NCOR2: variants seen among roughly 807,000 people sequenced by gnomAD.
NCOR2 encodes the protein CTG repeat protein 26.
NCOR2 carries 81 observed loss-of-function variants against 262.9 expected under a neutral mutation model. The ratio of observed to expected loss-of-function variants is 0.31; its 90% CI spans 0.26 to 0.37. The LOEUF is 0.37. Ranked by LOEUF, NCOR2 falls within the 10% of genes least tolerant of loss-of-function variation. The pLI is 1.00. For missense variants in NCOR2, 3,385 were observed against 3,621.4 expected (o/e 0.93, Z 1.68); for synonymous variants, 1,659 against 1,559.3 (o/e 1.06, Z -1.51).
intron 41 of NCOR2, among the ~76,000 whole-genome samples, chr12:124,334,035 C>T: frequency 6.6e-6 from 1 of 151,074 alleles, no homozygotes; most frequent in Admixed American, 6.6e-5. Context: ...TGTGGAAAGG[C>T]TGCTCTCTAA....
intron 8 of NCOR2, among the ~76,000 whole-genome samples, chr12:124,431,887 A>G (rs999302747): frequency 6.6e-6 from 1 of 151,972 alleles, no homozygotes; most frequent in Non-Finnish European, 1.5e-5. Context: ...ACACACACAC[A>G]TATATACACA....
chr12:124,519,325 G>A (rs11610540), intron 1 of NCOR2, among the ~76,000 whole-genome samples: 25,230 of 152,122 alleles, frequency 0.17, 2,571 homozygotes, highest in Non-Finnish European at 0.22. Flanking sequence ...GGAGCTCCCA[G>A]GAGGCAGAGG....
At chr12:124,353,609 C>T (rs988747249) in intron 27 of NCOR2, among the ~76,000 whole-genome samples, 7 of 152,254 alleles carry the variant, frequency 4.6e-5, no homozygotes, top group Non-Finnish European at 1.0e-4. Flanking sequence ...AGCTGCAAGG[C>T]TGGGGCACCA....
At position 124,548,123 on chromosome 12, in the gene NCOR2, C is replaced by T. The variant is rs1331037348; in HGVS notation, c.-164-12512G>A. Among the ~76,000 whole-genome samples, 3 of 152,020 alleles carry T rather than the reference C, an allele frequency of 2.0e-5. No homozygotes were observed. The highest frequency in any genetic ancestry group is 2.9e-5 in the Non-Finnish European group (2 of 68,010). ...GTCCCCTCCTATGGGACCTCTCCTC[C>T]ACTCTAACTCTCCTCCACATCACAT... On this transcript the variant is annotated intron_variant, in intron 1 of 32. Transcript: ENST00000458234. The surrounding 1 kb of genome is among the most constrained non-coding windows in gnomAD (Gnocchi z 5.1).
intron 43 of NCOR2, chr12:124,332,078 C>T (rs1051597168): frequency 3.8e-6 from 2 of 531,930 alleles, no homozygotes; most frequent in Non-Finnish European, 6.8e-6. Context: ...TGGGCACCTA[C>T]TATGTGCTGG....
intron 11 of NCOR2, among the ~76,000 whole-genome samples, chr12:124,423,124 G>A (rs2043317032): frequency 6.6e-6 from 1 of 152,216 alleles, no homozygotes; most frequent in African/African-American, 2.4e-5. Context: ...GCGGGTCGCT[G>A]GCACTGTCCC....
chr12:124,555,444 C>G (rs562885444), intron 1 of NCOR2, among the ~76,000 whole-genome samples: 1 of 152,332 alleles, frequency 6.6e-6, no homozygotes, highest in South Asian at 2.1e-4. Flanking sequence ...AGGGCACAGA[C>G]AGCTGTGACA....
chr12:124,479,067 G>A (rs1450890872), intron 3 of NCOR2, among the ~76,000 whole-genome samples: 1 of 152,008 alleles, frequency 6.6e-6, no homozygotes, highest in African/African-American at 2.4e-5. Flanking sequence ...CCACAGGCCA[G>A]AGCGCACGGA....
intron 8 of NCOR2, among the ~76,000 whole-genome samples, chr12:124,433,771 C>T (rs2044125148): frequency 6.6e-6 from 1 of 151,728 alleles, no homozygotes; most frequent in Non-Finnish European, 1.5e-5. Context: ...TGGCATTTTT[C>T]TACAAGGGCA....
At chr12:124,469,930 C>T (rs2046742498) in intron 4 of NCOR2, among the ~76,000 whole-genome samples, 2 of 152,088 alleles carry the variant, frequency 1.3e-5, no homozygotes, top group African/African-American at 4.8e-5. Flanking sequence ...CTTTGAGAGG[C>T]CAAGGTGGGC....
intron 13 of NCOR2, among the ~76,000 whole-genome samples, chr12:124,406,157 C>G (rs1484537378): frequency 6.6e-6 from 1 of 152,210 alleles, no homozygotes; most frequent in Non-Finnish European, 1.5e-5. Flanking sequence ...CTCTGTCAAC[C>G]CCCTTCTCAA....
At chr12:124,403,464 C>T (rs1018015658) in intron 13 of NCOR2, among the ~76,000 whole-genome samples, 3 of 152,040 alleles carry the variant, frequency 2.0e-5, no homozygotes, top group African/African-American at 7.3e-5. Context: ...CTCCTGGCAC[C>T]GCCTCCCGAT....
intron 37 of NCOR2, 97 bp from the exon 40 acceptor site, chr12:124,337,277 C>T (rs2035974763): frequency 1.5e-6 from 2 of 1,375,684 alleles, no homozygotes; most frequent in Non-Finnish European, 2.0e-6. Context: ...AAATCCACAT[C>T]CCCTGCTGCT....
intron 18 of NCOR2, among the ~76,000 whole-genome samples, chr12:124,375,146 G>T (rs182913166): frequency 3.6e-4 from 55 of 152,354 alleles, no homozygotes; most frequent in African/African-American, 1.2e-3. Flanking sequence ...ACGCTGTGGA[G>T]GGGAGAGCAC....
At chr12:124,341,490 C>A (rs10846658) in intron 34 of NCOR2, among the ~76,000 whole-genome samples, 59,611 of 151,744 alleles carry the variant, frequency 0.39, 13,261 homozygotes, top group African/African-American at 0.61. Flanking sequence ...ACCTGCCTCG[C>A]CCTCCCCAAG....
At chr12:124,472,876 G>A in intron 4 of NCOR2, 76 bp downstream of exon 6, 5 of 1,586,508 alleles carry the variant, frequency 3.2e-6, no homozygotes, top group Non-Finnish European at 4.3e-6. Flanking sequence ...CTTGGCACAT[G>A]TCTGTGACAC....
In NCOR2 at chr12:124,378,331, G is replaced by T. The variant is rs375305934; in HGVS notation, c.2073C>A (p.Ser691Arg). ...CCACGGGCGGGAATGCAGCCTCCTC[G>T]CTGGCCGCCGCCGGCGCTTTCTTCT... Residue 691 changes from serine to arginine, a missense_variant, in exon 18 of 47, where the codon AGC becomes AGA. Coordinates refer to ENST00000405201, the Ensembl canonical transcript of NCOR2. This position sits in a 1 kb window ranked among gnomAD's most constrained non-coding sequence, Gnocchi z 4.2. The T allele has an allele frequency of 9.3e-6, 15 of 1,613,868 alleles. No individual in the cohort carries two copies. Among genetic ancestry groups the T allele is most frequent in the Non-Finnish European group, 1.3e-5 (15 of 1,179,886 alleles).
rs368875406 is a variant in NCOR2 at position 124,544,536 on chromosome 12, G to A, written c.-164-8925C>T. 9.8e-5 allele frequency among the ~76,000 whole-genome samples: 15 copies of A among 152,314 alleles called. No individual in the cohort carries two copies. The East Asian group carries it at 2.7e-3, about 27-fold the overall frequency. On this transcript the variant is annotated intron_variant, in intron 1 of 32. Transcript: ENST00000458234. ...ACGAGGGCCTGGGGATATTCAGGGTGGGAGGGTGGCCCACACTGATTCAGT... is the reference window on the plus strand; with the variant it reads ...ACGAGGGCCTGGGGATATTCAGGGTAGGAGGGTGGCCCACACTGATTCAGT...
chr12:124,372,337 GTCTCCTCCTCCT>G (rs1020305106), exon 20 of NCOR2: 7 of 1,520,328 alleles, frequency 4.6e-6, no homozygotes, highest in Non-Finnish European at 5.3e-6. Context: ...CGCTGCTGCG[GTCTCCTCCTCCT>G]TCTCCTCCTT....
Sources: allele counts gnomAD v4.1 joint callset (sites outside exome capture counted in the v4.1 genomes callset), GRCh38; gene constraint gnomAD v4.1.1; non-coding constraint Gnocchi (gnomAD v3.1); transcripts MANE v1.5; gene names NCBI Gene and HGNC (gene_info 2026-07-23, HGNC 2026-07-21).